Variants in TYSND1 observed in about 807,000 individuals in gnomAD.
TYSND1 encodes trypsin like peroxisomal matrix peptidase 1.
Under a neutral mutation model 37.2 loss-of-function variants are expected in TYSND1, and 30 were observed. The ratio of observed to expected loss-of-function variants is 0.81; its 90% confidence interval spans 0.60 to 1.09. The LOEUF (loss-of-function observed/expected upper bound fraction) is 1.09, where lower values mean the gene tolerates loss of function less well. TYSND1 is among the 50% of genes least tolerant of loss of function. The probability of loss-of-function intolerance (pLI) is 0.00; values close to 1 mark genes in which losing one functional copy is unlikely to be tolerated. For missense variants in TYSND1, 806 were observed against 817.4 expected (o/e 0.99, Z 0.17); for synonymous variants, 364 against 383.8 (o/e 0.95, Z 0.60).
At chr10:70,144,586 GGATCA>G in intron 1 of TYSND1, 1 of 986,622 alleles carries the variant, frequency 1.0e-6, no homozygotes, top group East Asian at 1.1e-4. Context: ...GACTTGCCCG[GGATCA>G]GACAGGGGCG....
chr10:70,145,313 G>T, intron 1 of TYSND1, 108 bp downstream of exon 1: 1 of 1,087,640 alleles, frequency 9.2e-7, no homozygotes, highest in Non-Finnish European at 1.2e-6. Flanking sequence ...CACGCCCAAA[G>T]CATCCGCGTG....
In TYSND1 at chr10:70,139,638, G is replaced by C; in HGVS notation, c.*286C>G. On this transcript the variant is annotated 3_prime_UTR_variant, in exon 4 of 4. Coordinates refer to ENST00000287078, the MANE Select transcript of TYSND1 (RefSeq NM_173555.4). The stretch of plus-strand genomic sequence containing the variant: ...CCCAGAACTTCTGTGCAGTTGGAGT[G>C]GGCTCCCCAGAAGGAAAAACAATAC... 1 of 328,892 alleles carries C rather than the reference G, an allele frequency of 3.0e-6. No individual in the cohort carries two copies. The highest frequency in any genetic ancestry group is 5.5e-6 in the Non-Finnish European group (1 of 180,436). 20.4% of individuals were successfully genotyped at this position (328,892 alleles called of 1,614,324 possible).
chr10:70,139,260 C>T lies in TYSND1; in HGVS notation c.*664G>A, dbSNP rs1330649657. ...AGCCCCAACCAGACATGTTCTACCC[C>T]TCAAGATCCCTGAGACCCAGGCTGT... On this transcript the variant is annotated 3_prime_UTR_variant, in exon 4 of 4. Transcript: ENST00000287078. 2 of 152,672 alleles carry T rather than the reference C, an allele frequency of 1.3e-5. No homozygotes were observed. The highest frequency in any genetic ancestry group is 4.8e-5 in the African/African-American group (2 of 41,448). The allele number at this position is 152,672 out of a possible 1,614,324, so 9.5% of individuals were successfully genotyped here. A position where few individuals can be genotyped will look rare whatever the true frequency, so the allele number is the denominator to read the frequency against.
chr10:70,144,427 G>C, intron 1 of TYSND1: 1 of 990,546 alleles, frequency 1.0e-6, no homozygotes, highest in Non-Finnish European at 1.2e-6. Context: ...CAACAATCCC[G>C]TCAGTTGGTG....
rs1317697096 is a variant in TYSND1 at position 70,146,213 on chromosome 10, G to T, written c.374C>A (p.Pro125His). ...CTCAGCAGGAAGCCGGGGCTGCAGG[G>T]GACGCCCGCGGGACGGGGCAGGTGG... ...PGPPAPSRGR[P>H]LQPRLPAELL... is the part of the protein sequence containing the mutation. Residue 125 changes from proline to histidine, a missense_variant, in exon 1 of 4, where the codon CCC (proline) becomes CAC (histidine). Physicochemically the swap from Pro to His is moderately conservative, Grantham distance 77. Around this residue, in one of 3 missense-constraint regions of TYSND1, gnomAD observed 708 missense variants for 705.4 expected, o/e 1.00. Coordinates refer to ENST00000287078, the MANE Select transcript of TYSND1 (RefSeq NM_173555.4). 4.0e-6 allele frequency: 6 copies of T among 1,515,758 alleles called. No individual in the cohort carries two copies. Among genetic ancestry groups the T allele is most frequent in the Admixed American group, 4.0e-5 (2 of 49,688 alleles). The allele number at this position is 1,515,758 out of a possible 1,614,324, so 93.9% of individuals were successfully genotyped here.
At chr10:70,143,798 A>G (rs1353206877) in intron 2 of TYSND1, 44 bp downstream of exon 2, 2 of 1,610,754 alleles carry the variant, frequency 1.2e-6, no homozygotes, top group South Asian at 2.2e-5. Flanking sequence ...GGCCCACCCT[A>G]GCTCAGAGGG....
In TYSND1 at chr10:70,146,051, A is replaced by C. The variant is rs1304808495; in HGVS notation, c.536T>G (p.Leu179Arg). ...EVSEDEEADQ[L>R]RALGWFALLG... ...CAGCGCAAACCAGCCCAGCGCTCTC[A>C]GTTGATCCGCCTCCTCGTCCTCCGA... Residue 179 changes from leucine to arginine, a missense_variant, in exon 1 of 4, where the codon CTG (leucine) becomes CGG (arginine). This residue lies in a region of TYSND1 where 708 missense variants were observed against 705.4 expected (regional missense o/e 1.00). Transcript: ENST00000287078. 1 of 1,596,464 alleles carries C rather than the reference A, an allele frequency of 6.3e-7. No individual in the cohort carries two copies.
chr10:70,142,412 ACTC>A (rs1192878741), intron 3 of TYSND1, among the ~76,000 whole-genome samples: 1 of 151,758 alleles, frequency 6.6e-6, no homozygotes, highest in East Asian at 1.9e-4. Flanking sequence ...GACTAATCCA[ACTC>A]CTCAATTTCA....
intron 3 of TYSND1, among the ~76,000 whole-genome samples, chr10:70,140,793 T>G (rs1004054741): frequency 3.3e-5 from 5 of 152,222 alleles, no homozygotes; most frequent in Non-Finnish European, 5.9e-5. Flanking sequence ...TGACATGAGT[T>G]GCACTAGTTT....
Position 70,139,479 on chromosome 10 carries a change from G to A in TYSND1, c.*445C>T, listed in dbSNP as rs1343321059. The A allele has an allele frequency of 6.4e-6, 1 of 156,374 alleles. No individual in the cohort carries two copies. Among genetic ancestry groups the A allele is most frequent in the Admixed American group, 6.4e-5 (1 of 15,506 alleles). 9.7% of individuals were successfully genotyped at this position (156,374 alleles called of 1,614,324 possible). A position where few individuals can be genotyped will look rare whatever the true frequency, so the allele number is the denominator to read the frequency against. On this transcript the variant is annotated 3_prime_UTR_variant, in exon 4 of 4. Coordinates refer to ENST00000287078, the MANE Select transcript of TYSND1 (RefSeq NM_173555.4). ...AGATGCTAAGGAAGCTGAGTCCTTTGTCAGCCCTGACTCTGACTGAGAGGC... is the reference window on the plus strand; with the variant it reads ...AGATGCTAAGGAAGCTGAGTCCTTTATCAGCCCTGACTCTGACTGAGAGGC...
In TYSND1 at chr10:70,146,466, G is replaced by C. The variant is rs777132641; in HGVS notation, c.121C>G (p.Arg41Gly). 3.7e-6 allele frequency: 6 copies of C among 1,603,498 alleles called. 1 individual carries two copies. The highest frequency in any genetic ancestry group is 2.2e-5 in the South Asian group (2 of 90,528). Residue 41 changes from arginine to glycine, a missense_variant, in exon 1 of 4, where the codon CGT becomes GGT. Transcript: ENST00000287078. ...TGGCAAAGCACCAGGCCCGGGCTAC[G>C]GCTCAGGATTACCCCGCTGCAGCTC... ...PWSCSGVILS[R>G]SPGLVLCHGG...
intron 1 of TYSND1, chr10:70,144,908 A>T (rs2072854729): frequency 2.5e-6 from 1 of 406,052 alleles, no homozygotes; most frequent in South Asian, 1.0e-4. Context: ...CTACCTTCTG[A>T]TTACGTAGAA....
Position 70,142,716 on chromosome 10 carries a change from C to G in TYSND1, c.1435G>C (p.Gly479Arg). ...GAGAAGAGGGGTCCCCCACTGGAGCCGCTGTGCACAGCACACGTGGTCTGC... is the reference window on the plus strand; with the variant it reads ...GAGAAGAGGGGTCCCCCACTGGAGCGGCTGTGCACAGCACACGTGGTCTGC... Reference protein sequence around the residue: ...MLQTTCAVHSGSSGGPLFSNH... With the variant: ...MLQTTCAVHSRSSGGPLFSNH... The change falls in exon 3 of 4, where the codon GGC (glycine) becomes CGC (arginine). Residue 479 changes from glycine (G) to arginine (R), a missense_variant. Gly to Arg is a moderately radical substitution (Grantham distance 125). Coordinates refer to ENST00000287078, the MANE Select transcript of TYSND1 (RefSeq NM_173555.4). 2 of 1,610,866 alleles carry G rather than the reference C, an allele frequency of 1.2e-6. No homozygotes were observed. Among genetic ancestry groups the G allele is most frequent in the Non-Finnish European group, 1.7e-6 (2 of 1,178,380 alleles).
In TYSND1 at chr10:70,146,458, C is replaced by A. The variant is rs1839235448; in HGVS notation, c.129G>T (p.Pro43=). Residue 43 remains proline (P), a synonymous_variant, in exon 1 of 4, where the codon CCG becomes CCT. Transcript: ENST00000287078. ...SCSGVILSRS[P]GLVLCHGGIF... Reference sequence around the variant, plus strand: ...TGCCCCCGTGGCAAAGCACCAGGCCCGGGCTACGGCTCAGGATTACCCCGC... The same window carrying A: ...TGCCCCCGTGGCAAAGCACCAGGCCAGGGCTACGGCTCAGGATTACCCCGC... 6.2e-7 allele frequency: 1 copy of A among 1,603,678 alleles called. No homozygotes were observed. The highest frequency in any genetic ancestry group is 8.5e-7 in the Non-Finnish European group (1 of 1,178,722).
chr10:70,142,668 C>T lies in TYSND1; in HGVS notation c.1483G>A (p.Gly495Ser). ...LFSNHSGNLL[G>S]IITSNTRDNN... The stretch of plus-strand genomic sequence containing the variant: ...GGGAGGGGGCCAAAGAGCTGGTTAC[C>T]AAGGAGGTTTCCTGAGTGGTTGGAG... The change falls in exon 3 of 4, where the codon GGC becomes AGC. Residue 495 changes from glycine to serine, a missense_variant and splice_region_variant. Transcript: ENST00000287078. 3 of 1,570,536 alleles carry T rather than the reference C, an allele frequency of 1.9e-6. No homozygotes were observed. Among genetic ancestry groups the T allele is most frequent in the Non-Finnish European group, 2.6e-6 (3 of 1,156,702 alleles).
At position 70,139,617 on chromosome 10, in the gene TYSND1, G is replaced by C. The variant is rs2072727465; in HGVS notation, c.*307C>G. On this transcript the variant is annotated 3_prime_UTR_variant, in exon 4 of 4. Coordinates refer to ENST00000287078, the MANE Select transcript of TYSND1 (RefSeq NM_173555.4). ...AGCTGGAATCTACCTGTCAGGCCCAGAACTTCTGTGCAGTTGGAGTGGGCT... is the reference window on the plus strand; with the variant it reads ...AGCTGGAATCTACCTGTCAGGCCCACAACTTCTGTGCAGTTGGAGTGGGCT... 7.2e-6 allele frequency: 2 copies of C among 279,244 alleles called. No individual in the cohort carries two copies. The highest frequency in any genetic ancestry group is 4.4e-5 in the African/African-American group (2 of 45,830). 17.3% of individuals were successfully genotyped at this position (279,244 alleles called of 1,614,324 possible).
At chr10:70,140,262 C>A in intron 3 of TYSND1, 121 bp from the exon 4 acceptor site, 2 of 731,502 alleles carry the variant, frequency 2.7e-6, no homozygotes, top group Non-Finnish European at 4.5e-6. Flanking sequence ...TACCACCCCA[C>A]GTGGTGACAG....
Position 70,145,539 on chromosome 10 carries a change from C to T in TYSND1, c.1048G>A (p.Val350Met), listed in dbSNP as rs766697309. The T allele has an allele frequency of 6.0e-6, 9 of 1,509,792 alleles. No homozygotes were observed. The East Asian group carries it at 1.6e-4, about 27-fold the overall frequency. 93.5% of individuals were successfully genotyped at this position (1,509,792 alleles called of 1,614,324 possible). The change falls in exon 1 of 4, where the codon GTG becomes ATG. Residue 350 changes from valine to methionine, a missense_variant. Physicochemically the swap from Val to Met is conservative, Grantham distance 21. This residue lies in a region of TYSND1 where 708 missense variants were observed against 705.4 expected (regional missense o/e 1.00). Transcript: ENST00000287078. ...GAGCCCCATACGGTGCCGCACTCCA[C>T]CAACACTGCCGCGGCTGCCCACAGG... is the stretch of plus-strand genomic sequence containing the variant. ...GPLWAAAAVL[V>M]ECGTVWGSGV...
Position 70,146,146 on chromosome 10 carries a change from G to T in TYSND1, c.441C>A (p.Phe147Leu). 1.3e-6 allele frequency: 2 copies of T among 1,554,008 alleles called. No homozygotes were observed. Among genetic ancestry groups the T allele is most frequent in the Non-Finnish European group, 1.7e-6 (2 of 1,151,736 alleles). ...LLSCPAFWAH[F>L]ARLFGDEAAE... Reference sequence around the variant, plus strand: ...CTGCCTCGTCCCCGAAGAGGCGCGCGAAGTGGGCCCAGAAGGCCGGGCAGC... The same window carrying T: ...CTGCCTCGTCCCCGAAGAGGCGCGCTAAGTGGGCCCAGAAGGCCGGGCAGC... Residue 147 changes from phenylalanine to leucine, a missense_variant, in exon 1 of 4, where the codon TTC becomes TTA. This residue lies in a region of TYSND1 where 708 missense variants were observed against 705.4 expected (regional missense o/e 1.00). Coordinates refer to ENST00000287078, the MANE Select transcript of TYSND1 (RefSeq NM_173555.4).
Sources: gnomAD v4.1 joint callset for allele counts (sites outside exome capture counted in the v4.1 genomes callset) on GRCh38, gnomAD v4.1.1 for gene constraint, gnomAD v4.1.1 regional missense constraint, MANE v1.5 for transcripts, NCBI Gene and HGNC (gene_info 2026-07-23, HGNC 2026-07-21) for gene names.